Variants in KLF8 observed in about 807,000 individuals in gnomAD.
KLF8 encodes the protein Krueppel-like factor 8.
KLF8 carries 10 observed loss-of-function variants against 18.2 expected under a neutral mutation model. The ratio of observed to expected loss-of-function variants is 0.55; its 90% CI spans 0.34 to 0.93. KLF8 has a LOEUF of 0.93. KLF8 is among the 40% of genes least tolerant of loss of function. The probability of loss-of-function intolerance (pLI) is 0.02; values close to 1 mark genes in which losing one functional copy is unlikely to be tolerated. For synonymous variants in KLF8, 109 were observed against 97.3 expected (o/e 1.12, Z -0.71); for missense variants, 264 against 277.9 (o/e 0.95, Z 0.36).
At chrX:55,961,521 C>T in the KLF8 span, 3 of 547,589 alleles carry the variant, frequency 5.5e-6, no homozygotes, top group Non-Finnish European at 1.0e-5. Flanking sequence ...CTGAATTTTG[C>T]ACGGCATCTG....
At chrX:55,989,536 C>T in the KLF8 span, among the ~76,000 whole-genome samples, 18 of 112,448 alleles carry the variant, frequency 1.6e-4, no homozygotes, top group African/African-American at 5.8e-4. Flanking sequence ...ACCAGCCTTG[C>T]ATCCCAGGGA....
the KLF8 span, among the ~76,000 whole-genome samples, chrX:56,164,706 T>C: frequency 1.0e-5 from 1 of 98,018 alleles, no homozygotes; most frequent in Admixed American, 1.2e-4. Context: ...ATATTTCTTT[T>C]TTTTTTTTCT....
chrX:56,167,585 A>G, the KLF8 span, among the ~76,000 whole-genome samples: 2 of 112,006 alleles, frequency 1.8e-5, no homozygotes, highest in African/African-American at 6.5e-5. Context: ...ACCCCCTGAG[A>G]GTGAAATAGT....
chrX:56,087,338 C>A, the KLF8 span, among the ~76,000 whole-genome samples: 1 of 110,649 alleles, frequency 9.0e-6, no homozygotes, highest in Admixed American at 9.7e-5. Context: ...GGGTTTATTT[C>A]TCATGAATGG....
chrX:55,944,105 T>C, the KLF8 span, among the ~76,000 whole-genome samples: 14 of 111,892 alleles, frequency 1.3e-4, no homozygotes, highest in African/African-American at 4.5e-4. Flanking sequence ...GTTTTTGTCT[T>C]TGATTCTGTT....
At chrX:55,990,747 G>A in the KLF8 span, among the ~76,000 whole-genome samples, 1 of 112,252 alleles carries the variant, frequency 8.9e-6, no homozygotes, top group African/African-American at 3.2e-5. Flanking sequence ...TGGTCTGTTG[G>A]AGGTTGCTGG....
the KLF8 span, among the ~76,000 whole-genome samples, chrX:56,001,864 T>C: frequency 8.9e-6 from 1 of 112,135 alleles, no homozygotes; most frequent in Non-Finnish European, 1.9e-5. Context: ...TCAAATGCTC[T>C]CTTGCAACCC....
At chrX:55,961,864 C>T in the KLF8 span, 3 of 231,420 alleles carry the variant, frequency 1.3e-5, no homozygotes, top group African/African-American at 5.8e-5. Context: ...TCGTCTAGAG[C>T]AGTGAAAAGA....
At chrX:56,070,419 T>C in the KLF8 span, among the ~76,000 whole-genome samples, 1 of 106,821 alleles carries the variant, frequency 9.4e-6, no homozygotes, top group African/African-American at 3.4e-5. Flanking sequence ...GTAAATTTTC[T>C]TAAAAAAAGA....
At chrX:56,133,929 A>G in the KLF8 span, among the ~76,000 whole-genome samples, 1 of 110,969 alleles carries the variant, frequency 9.0e-6, no homozygotes, top group Non-Finnish European at 1.9e-5. Context: ...CTGCAAAAAA[A>G]AAAAAATACT....
At chrX:56,058,158 G>GCATATATATATATATATACACA in the KLF8 span, among the ~76,000 whole-genome samples, 44 of 70,065 alleles carry the variant, frequency 6.3e-4, no homozygotes, top group Non-Finnish European at 8.6e-4. Flanking sequence ...CCAGTGTTGG[G>GCATATATATATATATATACACA]CATATATATA....
At chrX:55,942,561 T>G in the KLF8 span, among the ~76,000 whole-genome samples, 1 of 111,447 alleles carries the variant, frequency 9.0e-6, no homozygotes, top group African/African-American at 3.3e-5. Context: ...AACAAATGCA[T>G]AGGCAAGATA....
chrX:56,005,012 A>C, the KLF8 span, among the ~76,000 whole-genome samples: 1 of 94,033 alleles, frequency 1.1e-5, no homozygotes, highest in Non-Finnish European at 2.1e-5. Context: ...GAGCTTCCCT[A>C]TACCTTTATC....
At chrX:55,951,097 C>T in the KLF8 span, among the ~76,000 whole-genome samples, 2 of 111,485 alleles carry the variant, frequency 1.8e-5, no homozygotes, top group Non-Finnish European at 3.8e-5. Context: ...TCCTGTAACA[C>T]TCACAGAAAG....
chrX:56,044,802 G>C, the KLF8 span, among the ~76,000 whole-genome samples: 35 of 112,675 alleles, frequency 3.1e-4, no homozygotes, highest in Non-Finnish European at 5.4e-4. Flanking sequence ...CTTGTGAGGT[G>C]CTGTGGAAGA....
At chrX:55,945,112 T>C in the KLF8 span, among the ~76,000 whole-genome samples, 1 of 111,382 alleles carries the variant, frequency 9.0e-6, no homozygotes, top group Non-Finnish European at 1.9e-5. Context: ...CAGGAGCAAG[T>C]TGTTCAGTTT....
At position 56,289,513 on chromosome X, in the gene KLF8, C is replaced by G. The variant is rs1427635063; in HGVS notation, c.*5019C>G. Among the ~76,000 whole-genome samples, 2 of 111,770 alleles carry G rather than the reference C, an allele frequency of 1.8e-5. No homozygotes were observed. Among genetic ancestry groups the G allele is most frequent in the Non-Finnish European group, 3.8e-5 (2 of 53,181 alleles). On this transcript the variant is annotated 3_prime_UTR_variant, in exon 6 of 6. Transcript: ENST00000468660. ...ATACTATCCTATGTATATGCACATTCTATAAATATTTCTATATGTAATCAC... is the reference window on the plus strand; with the variant it reads ...ATACTATCCTATGTATATGCACATTGTATAAATATTTCTATATGTAATCAC...
chrX:56,027,518 TAC>T, the KLF8 span, among the ~76,000 whole-genome samples: 1 of 112,643 alleles, frequency 8.9e-6, no homozygotes, highest in Non-Finnish European at 1.9e-5. Flanking sequence ...TATAAATGTT[TAC>T]AGTCTTACCT....
the KLF8 span, among the ~76,000 whole-genome samples, chrX:56,047,308 C>T: frequency 9.2e-6 from 1 of 108,982 alleles, no homozygotes; most frequent in Non-Finnish European, 1.9e-5. Context: ...GGTACATGTG[C>T]ACAATGTGCA....
Sources: gnomAD v4.1 joint callset for allele counts (sites outside exome capture counted in the v4.1 genomes callset) on GRCh38, gnomAD v4.1.1 for gene constraint, MANE v1.5 for transcripts, NCBI Gene and HGNC (gene_info 2026-07-23, HGNC 2026-07-21) for gene names.